GC: variants seen among roughly 807,000 people sequenced by gnomAD.
GC encodes the protein GC vitamin D binding protein.
Under a neutral mutation model 56.7 loss-of-function variants are expected in GC, and 43 were observed. The ratio of observed to expected loss-of-function variants is 0.76; its 90% confidence interval spans 0.59 to 0.98. GC has a LOEUF of 0.98. Ranked by LOEUF, GC falls within the 50% of genes least tolerant of loss-of-function variation. The probability of loss-of-function intolerance (pLI) is 0.00; values close to 1 mark genes in which losing one functional copy is unlikely to be tolerated. For synonymous variants in GC, 216 were observed against 202.7 expected (o/e 1.07, Z -0.56); for missense variants, 529 against 545.9 (o/e 0.97, Z 0.31).
chr4:71,758,448 A>T (rs1018596545), intron 6 of GC, among the ~76,000 whole-genome samples: 9 of 152,190 alleles, frequency 5.9e-5, no homozygotes, highest in Non-Finnish European at 1.2e-4. Context: ...AAAATGTTAG[A>T]TCTAAAGCAT....
At chr4:71,781,532 G>T (rs1742679809) in intron 1 of GC, among the ~76,000 whole-genome samples, 1 of 151,530 alleles carries the variant, frequency 6.6e-6, no homozygotes. Flanking sequence ...TTTTATAAAT[G>T]TTTCCTGGTC....
intron 1 of GC, among the ~76,000 whole-genome samples, chr4:71,792,083 G>A (rs150705582): frequency 0.01 from 1,542 of 152,264 alleles, 31 homozygotes; most frequent in African/African-American, 0.036. Flanking sequence ...CATTTGGGAT[G>A]GTTCCAAGTC....
At chr4:71,773,396 A>G (rs1742403263) in intron 1 of GC, among the ~76,000 whole-genome samples, 1 of 152,048 alleles carries the variant, frequency 6.6e-6, no homozygotes, top group South Asian at 2.1e-4. Context: ...TGCTTCAGGC[A>G]CCTTACCTCT....
Position 71,789,554 on chromosome 4 carries a change from C to A in GC, c.22-5500G>T, listed in dbSNP as rs865212. ...TAGATGATCTAATAGATTCTCTATA[C>A]TGAAGGAGAAATGAATTTTCTCAGT... is the stretch of plus-strand genomic sequence containing the variant. On this transcript the variant is annotated intron_variant, in intron 1 of 13. Coordinates refer to the GC transcript ENST00000504199. Among the ~76,000 whole-genome samples the A allele has an allele frequency of 5.8e-3, 880 of 151,978 alleles. 5 individuals are homozygous for A. Among genetic ancestry groups the A allele is most frequent in the African/African-American group, 0.019 (791 of 41,486 alleles).
At chr4:71,756,649 G>C in intron 8 of GC, 63 bp downstream of exon 8, 1 of 1,090,068 alleles carries the variant, frequency 9.2e-7, no homozygotes, top group Non-Finnish European at 1.4e-6. Context: ...CATCTGGCTG[G>C]CCCCCACTTT....
Position 71,795,670 on chromosome 4 carries a change from T to C in GC, c.21+8256A>G, listed in dbSNP as rs370060686. Among the ~76,000 whole-genome samples, 24 of 152,310 alleles carry C rather than the reference T, an allele frequency of 1.6e-4. No homozygotes were observed. In the East Asian group the frequency reaches 1.9e-3, roughly 12 times the overall value. ...AGCCCATTTACATTTAAGGTTAATATTGTTATGTGTGAATTTGATCCTGTT... is the reference window on the plus strand; with the variant it reads ...AGCCCATTTACATTTAAGGTTAATACTGTTATGTGTGAATTTGATCCTGTT... On this transcript the variant is annotated intron_variant, in intron 1 of 13. Transcript: ENST00000504199.
At position 71,752,107 on chromosome 4, in the gene GC, C is replaced by T. The variant is rs535150021; in HGVS notation, c.1395+411G>A. 2.0e-5 allele frequency among the ~76,000 whole-genome samples: 3 copies of T among 152,116 alleles called. No individual in the cohort carries two copies. The East Asian group carries it at 5.8e-4, about 29-fold the overall frequency. ...GTATGTATCTACATAAACACACATA[C>T]AGATATATGAAATACAATTTACCTT... On this transcript the variant is annotated intron_variant, in intron 11 of 12. Coordinates refer to ENST00000273951, the MANE Select transcript of GC (RefSeq NM_000583.4).
At chr4:71,764,605 T>C (rs1044296300) in intron 4 of GC, among the ~76,000 whole-genome samples, 5 of 152,182 alleles carry the variant, frequency 3.3e-5, no homozygotes, top group African/African-American at 1.2e-4. Context: ...TATCTCAGTT[T>C]ATTACTTTAG....
At chr4:71,780,059 A>T (rs1190246143) in intron 1 of GC, among the ~76,000 whole-genome samples, 1 of 151,916 alleles carries the variant, frequency 6.6e-6, no homozygotes, top group Non-Finnish European at 1.5e-5. Flanking sequence ...TGTTGGCATG[A>T]TTACCTTAAT....
At chr4:71,761,096 G>A (rs1430617517) in intron 6 of GC, among the ~76,000 whole-genome samples, 5 of 152,168 alleles carry the variant, frequency 3.3e-5, no homozygotes. Flanking sequence ...AAGAAGACAG[G>A]AAAATGTGGG....
intron 1 of GC, among the ~76,000 whole-genome samples, chr4:71,780,096 T>C (rs1742625623): frequency 6.6e-6 from 1 of 152,050 alleles, no homozygotes; most frequent in Admixed American, 6.6e-5. Context: ...CACGACCCTC[T>C]GATCTTTGAC....
intron 8 of GC, among the ~76,000 whole-genome samples, chr4:71,756,036 G>T (rs1578287451): frequency 6.6e-6 from 1 of 151,980 alleles, no homozygotes; most frequent in Admixed American, 6.6e-5. Flanking sequence ...GATGAAACAG[G>T]ATAAAAGTTT....
At chr4:71,756,641 T>A in intron 8 of GC, 71 bp downstream of exon 8, 1 of 988,800 alleles carries the variant, frequency 1.0e-6, no homozygotes. Context: ...CTTCCCTCCA[T>A]CTGGCTGGCC....
intron 1 of GC, among the ~76,000 whole-genome samples, chr4:71,796,847 T>C (rs1322131939): frequency 6.6e-6 from 1 of 152,184 alleles, no homozygotes; most frequent in Non-Finnish European, 1.5e-5. Context: ...ATATGGTGTT[T>C]TGGTGTGGAT....
At chr4:71,789,977 TC>T (rs1742930267) in intron 1 of GC, among the ~76,000 whole-genome samples, 1 of 151,970 alleles carries the variant, frequency 6.6e-6, no homozygotes, top group Non-Finnish European at 1.5e-5. Flanking sequence ...AATCTCCAAT[TC>T]CCATTGAGAA....
chr4:71,776,451 A>G (rs368731700), intron 1 of GC, among the ~76,000 whole-genome samples: 232 of 151,960 alleles, frequency 1.5e-3, no homozygotes, highest in African/African-American at 5.3e-3. Flanking sequence ...AATCTGAAAA[A>G]GTTGAACTCA....
chr4:71,804,097 A>G, upstream of GC: 1 of 666,812 alleles, frequency 1.5e-6, no homozygotes, highest in Non-Finnish European at 2.7e-6. Flanking sequence ...CTCCACCAAT[A>G]AGCTTAATTA....
chr4:71,767,603 G>C (rs1444071233), intron 3 of GC, among the ~76,000 whole-genome samples: 1 of 143,074 alleles, frequency 7.0e-6, no homozygotes, highest in Non-Finnish European at 1.5e-5. Context: ...AGAGGTTCAT[G>C]AGCTGATATA....
At chr4:71,794,619 A>G (rs866510799) in intron 1 of GC, among the ~76,000 whole-genome samples, 3 of 151,868 alleles carry the variant, frequency 2.0e-5, no homozygotes, top group Non-Finnish European at 4.4e-5. Flanking sequence ...TCCTGGATCC[A>G]TTGATTTTTT....
Sources: allele counts gnomAD v4.1 joint callset (sites outside exome capture counted in the v4.1 genomes callset), GRCh38; gene constraint gnomAD v4.1.1; transcripts MANE v1.5; gene names NCBI Gene and HGNC (gene_info 2026-07-23, HGNC 2026-07-21).